S100Z: variants seen among roughly 807,000 people sequenced by gnomAD.
S100Z encodes the protein S100 calcium binding protein Z.
A neutral mutation model predicts 8.5 loss-of-function variants in S100Z; 11 were observed. The observed-to-expected ratio is 1.30, with a 90% confidence interval of 0.82 to 2.15. S100Z has a LOEUF of 2.15. Among genes scored for constraint, S100Z ranks in the 30% most tolerant of loss-of-function variants. The pLI, the probability that S100Z is intolerant of heterozygous loss-of-function variation, is 0.00. For missense variants in S100Z, 126 were observed against 117.9 expected, an observed-to-expected ratio of 1.07 and a Z score of -0.32; for synonymous variants, 34 against 43.8, an observed-to-expected ratio of 0.78 and a Z score of 0.89.
In S100Z at chr5:76,862,366, C is replaced by T. The variant is rs561242735; in HGVS notation, c.-175-7800C>T. 3.3e-5 allele frequency among the ~76,000 whole-genome samples: 5 copies of T among 152,258 alleles called. No individual in the cohort carries two copies. The South Asian group carries it at 1.0e-3, about 32-fold the overall frequency. On this transcript the variant is annotated intron_variant, in intron 1 of 4. Coordinates refer to ENST00000317593, the MANE Select transcript of S100Z (RefSeq NM_130772.4). ...AGATTGGGCAGCATACAGGCCACAT[C>T]CTCACTCCTGTGATAACAAGATGGA...
intron 2 of S100Z, among the ~76,000 whole-genome samples, chr5:76,874,831 T>C (rs1200049636): frequency 6.6e-6 from 1 of 152,196 alleles, no homozygotes; most frequent in Non-Finnish European, 1.5e-5. Flanking sequence ...AAGTGCTTAT[T>C]TGCAGCTTGC....
the S100Z span, among the ~76,000 whole-genome samples, chr5:76,946,787 T>C: frequency 6.6e-6 from 1 of 152,162 alleles, no homozygotes; most frequent in Non-Finnish European, 1.5e-5. Context: ...ATCCCTACAA[T>C]AATTCTTAGT....
intron 2 of S100Z, among the ~76,000 whole-genome samples, chr5:76,873,840 G>A (rs897122401): frequency 6.6e-6 from 1 of 152,132 alleles, no homozygotes; most frequent in Admixed American, 6.5e-5. Flanking sequence ...ATCTGGCTTT[G>A]GTTTTTACAT....
the S100Z span, among the ~76,000 whole-genome samples, chr5:76,929,009 G>A: frequency 4.1e-4 from 63 of 152,360 alleles, no homozygotes; most frequent in African/African-American, 1.4e-3. Context: ...CTCCCAAAGT[G>A]CTGGGATTAT....
intron 4 of S100Z, among the ~76,000 whole-genome samples, chr5:76,913,961 G>A (rs1744765281): frequency 6.6e-6 from 1 of 152,162 alleles, no homozygotes; most frequent in Admixed American, 6.5e-5. Context: ...CCATCTTGCT[G>A]TTACTCACCT....
At chr5:76,855,326 G>A (rs1253385034) in intron 1 of S100Z, among the ~76,000 whole-genome samples, 1 of 152,188 alleles carries the variant, frequency 6.6e-6, no homozygotes, top group Non-Finnish European at 1.5e-5. Context: ...GCTTGGAAAA[G>A]CTGCAGGCAC....
intron 1 of S100Z, among the ~76,000 whole-genome samples, chr5:76,860,233 C>T (rs772592001): frequency 2.6e-5 from 4 of 152,096 alleles, no homozygotes; most frequent in Non-Finnish European, 5.9e-5. Flanking sequence ...CACCAAGCAC[C>T]GAGGCTCTGC....
the S100Z span, among the ~76,000 whole-genome samples, chr5:76,945,417 A>C: frequency 7.9e-5 from 12 of 152,290 alleles, no homozygotes; most frequent in Admixed American, 7.9e-4. Flanking sequence ...GGCCTCTTGC[A>C]GTTGAGATAA....
chr5:76,890,667 A>G (rs1301571833), intron 4 of S100Z, among the ~76,000 whole-genome samples: 2 of 152,038 alleles, frequency 1.3e-5, no homozygotes, highest in African/African-American at 2.4e-5. Context: ...CAAACAAACA[A>G]AAACAGGATT....
intron 4 of S100Z, among the ~76,000 whole-genome samples, chr5:76,888,714 C>T (rs760625211): frequency 7.9e-5 from 12 of 152,078 alleles, no homozygotes; most frequent in South Asian, 2.1e-4. Flanking sequence ...CCGTGTCTGA[C>T]GGAAGTTTTC....
chr5:76,874,349 A>G (rs1423523085), intron 2 of S100Z, among the ~76,000 whole-genome samples: 1 of 152,056 alleles, frequency 6.6e-6, no homozygotes, highest in Non-Finnish European at 1.5e-5. Flanking sequence ...CCCCATCATC[A>G]GCTTCCTAGC....
At chr5:76,945,844 G>C in the S100Z span, among the ~76,000 whole-genome samples, 2 of 152,128 alleles carry the variant, frequency 1.3e-5, no homozygotes, top group East Asian at 3.9e-4. Context: ...TCCTGGGCCC[G>C]CTGTTCTTTC....
chr5:76,857,617 GC>G (rs1401886290), intron 1 of S100Z, among the ~76,000 whole-genome samples: 1 of 151,100 alleles, frequency 6.6e-6, no homozygotes, highest in African/African-American at 2.4e-5. Context: ...TCATGCCTCA[GC>G]CACCTGAGTA....
the S100Z span, among the ~76,000 whole-genome samples, chr5:76,938,708 T>C: frequency 2.0e-5 from 3 of 152,248 alleles, no homozygotes; most frequent in East Asian, 5.8e-4. Context: ...TTTATAGTTT[T>C]AGTTTTTACG....
chr5:76,882,549 T>A (rs1306595766), intron 4 of S100Z, among the ~76,000 whole-genome samples: 2 of 152,100 alleles, frequency 1.3e-5, no homozygotes, highest in African/African-American at 4.8e-5. Context: ...AAAACCAGTA[T>A]CCAAAGGCAA....
intron 1 of S100Z, among the ~76,000 whole-genome samples, chr5:76,850,914 T>C (rs1375262096): frequency 6.6e-6 from 1 of 152,114 alleles, no homozygotes; most frequent in South Asian, 2.1e-4. Context: ...CACCTCCCAC[T>C]TGGCTTCCCA....
chr5:76,920,393 C>G (rs1183940086), intron 4 of S100Z, among the ~76,000 whole-genome samples: 2 of 152,046 alleles, frequency 1.3e-5, no homozygotes, highest in African/African-American at 4.8e-5. Flanking sequence ...TGCACATTTT[C>G]TTGCAATTGG....
intron 1 of S100Z, among the ~76,000 whole-genome samples, chr5:76,859,037 C>T (rs1450649532): frequency 5.3e-5 from 8 of 152,128 alleles, no homozygotes; most frequent in Non-Finnish European, 1.0e-4. Flanking sequence ...TCTCTTGAAC[C>T]CAGTAGGCGG....
intron 1 of S100Z, among the ~76,000 whole-genome samples, chr5:76,854,561 A>G (rs981521551): frequency 1.3e-5 from 2 of 152,214 alleles, no homozygotes; most frequent in African/African-American, 4.8e-5. Flanking sequence ...AAAGCATTCA[A>G]GATATGGACT....
Sources: gnomAD v4.1 joint callset for allele counts (sites outside exome capture counted in the v4.1 genomes callset) on GRCh38, gnomAD v4.1.1 for gene constraint, MANE v1.5 for transcripts, NCBI Gene and HGNC (gene_info 2026-07-23, HGNC 2026-07-21) for gene names.